Variants in KCNIP4 observed in about 807,000 individuals in gnomAD.
KCNIP4 encodes potassium voltage-gated channel interacting protein 4.
In KCNIP4, 12 loss-of-function variants were observed where a neutral mutation model predicts 34.0. The ratio of observed to expected loss-of-function variants is 0.35; its 90% CI spans 0.23 to 0.57. The LOEUF is 0.57. Ranked by LOEUF, KCNIP4 falls within the 20% of genes least tolerant of loss-of-function variation. The pLI, the probability that KCNIP4 is intolerant of heterozygous loss-of-function variation, is 0.83. For missense variants in KCNIP4, 238 were observed against 311.7 expected (o/e 0.76, Z 1.78); for synonymous variants, 124 against 102.2 (o/e 1.21, Z -1.29).
At chr4:21,000,389 T>C (rs916678234) in intron 1 of KCNIP4, among the ~76,000 whole-genome samples, 2 of 149,096 alleles carry the variant, frequency 1.3e-5, no homozygotes. Flanking sequence ...TAGATCTTAC[T>C]AAAAAAAGAA....
intron 1 of KCNIP4, among the ~76,000 whole-genome samples, chr4:21,786,875 CTT>C (rs1469300513): frequency 6.6e-6 from 1 of 151,922 alleles, no homozygotes; most frequent in African/African-American, 2.4e-5. Flanking sequence ...GAGAGTAACT[CTT>C]TTAGCCTCTA....
At chr4:21,827,868 C>G (rs1348091754) in intron 1 of KCNIP4, among the ~76,000 whole-genome samples, 3 of 151,632 alleles carry the variant, frequency 2.0e-5, no homozygotes, top group Non-Finnish European at 4.4e-5. Context: ...GGTGGTGCTC[C>G]CTGATGTCTG....
intron 1 of KCNIP4, among the ~76,000 whole-genome samples, chr4:21,144,709 C>T (rs1247576426): frequency 1.3e-5 from 2 of 152,196 alleles, no homozygotes; most frequent in Non-Finnish European, 1.5e-5. Flanking sequence ...TTTCTTCAGT[C>T]CATTCTTGAT....
At chr4:21,641,154 C>A (rs1746586338) in intron 1 of KCNIP4, among the ~76,000 whole-genome samples, 1 of 152,218 alleles carries the variant, frequency 6.6e-6, no homozygotes, top group Non-Finnish European at 1.5e-5. Context: ...TATATGTGAT[C>A]AGGCCCAAGA....
intron 1 of KCNIP4, chr4:21,697,666 C>G: frequency 7.8e-7 from 1 of 1,287,176 alleles, no homozygotes. Flanking sequence ...GAAAACACGG[C>G]TTCTCAGTGT....
intron 2 of KCNIP4, among the ~76,000 whole-genome samples, chr4:20,879,090 C>T (rs574747152): frequency 2.0e-5 from 3 of 152,120 alleles, no homozygotes; most frequent in African/African-American, 7.2e-5. Flanking sequence ...TGCATTCATC[C>T]GCATCCTGGG....
chr4:21,022,415 A>G (rs1345740477), intron 1 of KCNIP4, among the ~76,000 whole-genome samples: 1 of 152,224 alleles, frequency 6.6e-6, no homozygotes, highest in East Asian at 1.9e-4. Context: ...ATTTGATGCT[A>G]TTAAAAAGAT....
At chr4:21,766,511 G>T (rs532300024) in intron 1 of KCNIP4, among the ~76,000 whole-genome samples, 2 of 152,218 alleles carry the variant, frequency 1.3e-5, no homozygotes, top group East Asian at 3.9e-4. Context: ...GCTTCCCTCT[G>T]CTGCTATCAC....
intron 2 of KCNIP4, among the ~76,000 whole-genome samples, chr4:20,880,591 A>G (rs1724574058): frequency 6.6e-6 from 1 of 152,196 alleles, no homozygotes; most frequent in Non-Finnish European, 1.5e-5. Flanking sequence ...GGTGCAGAAG[A>G]GTGCTAACGA....
intron 1 of KCNIP4, among the ~76,000 whole-genome samples, chr4:21,392,440 T>C (rs1367937600): frequency 1.3e-5 from 2 of 152,192 alleles, no homozygotes; most frequent in Non-Finnish European, 1.5e-5. Context: ...AGTCAATAAA[T>C]TCAAGATGGC....
intron 1 of KCNIP4, among the ~76,000 whole-genome samples, chr4:20,940,768 T>G (rs773382979): frequency 6.6e-6 from 1 of 152,204 alleles, no homozygotes; most frequent in Non-Finnish European, 1.5e-5. Context: ...ACTTCTTGTA[T>G]CAGTCTTTGA....
At chr4:21,921,829 A>G (rs1468080079) in intron 1 of KCNIP4, among the ~76,000 whole-genome samples, 1 of 152,164 alleles carries the variant, frequency 6.6e-6, no homozygotes, top group Non-Finnish European at 1.5e-5. Flanking sequence ...CCATCTCAAT[A>G]TCCATTTCCC....
intron 1 of KCNIP4, among the ~76,000 whole-genome samples, chr4:21,593,823 T>G (rs1011333349): frequency 6.6e-6 from 1 of 152,166 alleles, no homozygotes; most frequent in Admixed American, 6.6e-5. Flanking sequence ...GCAGCATTAA[T>G]GCCATGTCAA....
chr4:20,882,579 GA>G (rs367632836), intron 2 of KCNIP4, 28 bp downstream of exon 2: 5,949 of 1,176,464 alleles, frequency 5.1e-3, no homozygotes, highest in Non-Finnish European at 5.5e-3. Flanking sequence ...AGTTTCGGAG[GA>G]AAAAAAAAAA....
rs1553881130 is a variant in KCNIP4, at chr4:20,729,129, G to GGCTTGTAATATAAA, written c.*939_*952dup. On this transcript the variant is annotated 3_prime_UTR_variant, in exon 9 of 9. Coordinates refer to ENST00000382152, the MANE Select transcript of KCNIP4 (RefSeq NM_025221.6). ...AAGGTTTCTTTCTTTGTCCCTGAATGGCTTGTAATATAAATAAACATGCTG... is the reference window on the plus strand; with the variant it reads ...AAGGTTTCTTTCTTTGTCCCTGAATGGCTTGTAATATAAAGCTTGTAATATAAATAAACATGCTG... The GGCTTGTAATATAAA allele has an allele frequency of 3.4e-4, 52 of 152,594 alleles. No individual in the cohort carries two copies. The highest frequency in any genetic ancestry group is 1.2e-3 in the African/African-American group (48 of 41,514). 9.5% of individuals were successfully genotyped at this position (152,594 alleles called of 1,614,324 possible). A position where few individuals can be genotyped will look rare whatever the true frequency, so the allele number is the denominator to read the frequency against.
chr4:21,831,328 C>T (rs1722978643), intron 1 of KCNIP4, among the ~76,000 whole-genome samples: 1 of 151,414 alleles, frequency 6.6e-6, no homozygotes, highest in Non-Finnish European at 1.5e-5. Flanking sequence ...GAAAAAGAGA[C>T]CAGAAAAATA....
chr4:21,805,789 A>G (rs1721255737), intron 1 of KCNIP4, among the ~76,000 whole-genome samples: 1 of 152,170 alleles, frequency 6.6e-6, no homozygotes, highest in African/African-American at 2.4e-5. Context: ...CTGGCCAGTA[A>G]GCAAGTTCAT....
chr4:21,393,050 G>A (rs2109521971), intron 1 of KCNIP4, among the ~76,000 whole-genome samples: 1 of 152,174 alleles, frequency 6.6e-6, no homozygotes, highest in East Asian at 1.9e-4. Flanking sequence ...ACATAAAATG[G>A]AATCAAATTT....
chr4:21,353,695 G>A (rs1157028193), intron 1 of KCNIP4, among the ~76,000 whole-genome samples: 1 of 152,214 alleles, frequency 6.6e-6, no homozygotes, highest in Admixed American at 6.5e-5. Context: ...AAGTGACAAG[G>A]AGAATGGAAA....
Sources: gnomAD v4.1 joint callset for allele counts (sites outside exome capture counted in the v4.1 genomes callset) on GRCh38, gnomAD v4.1.1 for gene constraint, MANE v1.5 for transcripts, NCBI Gene and HGNC (gene_info 2026-07-23, HGNC 2026-07-21) for gene names.